GUCY2C: variants seen among roughly 807,000 people sequenced by gnomAD.
The protein encoded by GUCY2C is guanylate cyclase 2C, also known as guanylyl cyclase C.
GUCY2C carries 118 observed loss-of-function variants against 131.1 expected under a neutral mutation model. That is an observed-to-expected ratio of 0.90 (90% CI 0.78 to 1.05). The LOEUF is 1.05. GUCY2C is among the 50% of genes least tolerant of loss of function. The pLI, the probability that GUCY2C is intolerant of heterozygous loss-of-function variation, is 0.00. For missense variants in GUCY2C, 1,161 were observed against 1,304.4 expected, an observed-to-expected ratio of 0.89 and a Z score of 1.69; for synonymous variants, 452 against 457.8, an observed-to-expected ratio of 0.99 and a Z score of 0.16.
At chr12:14,687,496 C>T (rs1204063679) in intron 2 of GUCY2C, among the ~76,000 whole-genome samples, 1 of 151,992 alleles carries the variant, frequency 6.6e-6, no homozygotes, top group East Asian at 1.9e-4. Context: ...TAGCACATGC[C>T]TGTAGTCCCA....
Position 14,676,820 on chromosome 12 carries a change from A to G in GUCY2C, c.948+34T>C, listed in dbSNP as rs1198203248. On this transcript the variant is annotated intron_variant, in intron 7 of 26. Coordinates refer to ENST00000261170, the MANE Select transcript of GUCY2C (RefSeq NM_004963.4). ...CCCTTGACAAATAAAATAATAATAT[A>G]TAATTTATACTATAACATAAAATAA... 6.2e-6 allele frequency: 4 copies of G among 650,406 alleles called. No individual in the cohort carries two copies. In the East Asian group the frequency reaches 1.4e-4, roughly 23 times the overall value. The allele number at this position is 650,406 out of a possible 1,614,324, so 40.3% of individuals were successfully genotyped here.
At chr12:14,670,720 C>T (rs1002005560) in intron 9 of GUCY2C, among the ~76,000 whole-genome samples, 6 of 151,874 alleles carry the variant, frequency 4.0e-5, no homozygotes, top group Non-Finnish European at 7.4e-5. Context: ...CTCATTCTCT[C>T]TTGCCTGCTA....
chr12:14,639,723 G>T, intron 19 of GUCY2C, 139 bp downstream of exon 19: 1 of 622,982 alleles, frequency 1.6e-6, no homozygotes, highest in South Asian at 1.9e-5. Context: ...TCTGGAGGAA[G>T]TGTGGCCTTG....
Position 14,613,604 on chromosome 12 carries a change from C to T in GUCY2C, c.3048-313G>A, listed in dbSNP as rs1420253371. On this transcript the variant is annotated intron_variant, in intron 26 of 26. Transcript: ENST00000261170. The surrounding 1 kb of genome is among the most constrained non-coding windows in gnomAD (Gnocchi z 4.9). ...GAAAAGAAGCTGGGAGGATGCTAGG[C>T]CCCTGCCACACAACCCTGAAAACTC... 6.6e-6 allele frequency among the ~76,000 whole-genome samples: 1 copy of T among 152,098 alleles called. No individual in the cohort carries two copies. Among genetic ancestry groups the T allele is most frequent in the African/African-American group, 2.4e-5 (1 of 41,426 alleles).
chr12:14,620,682 A>C (rs924687544), intron 23 of GUCY2C, among the ~76,000 whole-genome samples: 2 of 152,126 alleles, frequency 1.3e-5, no homozygotes, highest in African/African-American at 4.8e-5. Context: ...AGATACTATA[A>C]TATTTTAGTG....
chr12:14,617,229 T>C (rs1946784907), intron 24 of GUCY2C, among the ~76,000 whole-genome samples: 1 of 152,192 alleles, frequency 6.6e-6, no homozygotes, highest in African/African-American at 2.4e-5. Context: ...ATGAGCCAAT[T>C]AAACCTCTTT....
chr12:14,613,708 A>G lies in GUCY2C; in HGVS notation c.3048-417T>C, dbSNP rs1050401428. Among the ~76,000 whole-genome samples, 14 of 152,108 alleles carry G rather than the reference A, an allele frequency of 9.2e-5. No individual in the cohort carries two copies. The highest frequency in any genetic ancestry group is 2.1e-4 in the Non-Finnish European group (14 of 68,004). On this transcript the variant is annotated intron_variant, in intron 26 of 26. Coordinates refer to ENST00000261170, the MANE Select transcript of GUCY2C (RefSeq NM_004963.4). This position sits in a 1 kb window ranked among gnomAD's most constrained non-coding sequence, Gnocchi z 4.9. ...TGGTGGAGGGGACCACGAGTTTAGAATGGACCTGGAACACTCCAAGTAAGG... is the reference window on the plus strand; with the variant it reads ...TGGTGGAGGGGACCACGAGTTTAGAGTGGACCTGGAACACTCCAAGTAAGG...
chr12:14,675,249 AG>A (rs68169716), intron 7 of GUCY2C, among the ~76,000 whole-genome samples: 14,681 of 142,844 alleles, frequency 0.1, 1,008 homozygotes, highest in Admixed American at 0.19. Flanking sequence ...AAAGAAAGAA[AG>A]AAAAAAAACT....
chr12:14,657,609 A>G lies in GUCY2C; in HGVS notation c.1365-992T>C, dbSNP rs192598894. Among the ~76,000 whole-genome samples the G allele has an allele frequency of 3.9e-5, 6 of 152,222 alleles. No individual in the cohort carries two copies. The East Asian group carries it at 1.2e-3, about 30-fold the overall frequency. On this transcript the variant is annotated intron_variant, in intron 11 of 26. Coordinates refer to ENST00000261170, the MANE Select transcript of GUCY2C (RefSeq NM_004963.4). ...CCACCTGAGCTCCACCTCCTGTCAC[A>G]TCAGTGGTGGCGTTAGATTCTCACA...
chr12:14,623,936 A>AT (rs1470030199), intron 21 of GUCY2C, among the ~76,000 whole-genome samples: 1 of 152,166 alleles, frequency 6.6e-6, no homozygotes, highest in African/African-American at 2.4e-5. Flanking sequence ...TCCTTTCCTC[A>AT]TAAATTACCT....
In GUCY2C at chr12:14,628,689, G is replaced by A. The variant is rs1350457969; in HGVS notation, c.2206C>T (p.Pro736Ser). ...GTAGTCTCAATTTTTTTGAAATCTG[G>A]TCTCTTTTCTGGATCTTCCTCCCAA... Reference protein sequence around the residue: ...NCWEEDPEKRPDFKKIETTLA... With the variant: ...NCWEEDPEKRSDFKKIETTLA... The change falls in exon 20 of 27, where the codon CCA (proline) becomes TCA (serine). Residue 736 changes from proline (P) to serine (S), a missense_variant. By Grantham distance (74) the Pro-to-Ser change is moderately conservative. Coordinates refer to ENST00000261170, the MANE Select transcript of GUCY2C (RefSeq NM_004963.4). 1.4e-5 allele frequency: 23 copies of A among 1,602,142 alleles called. No homozygotes were observed. Among genetic ancestry groups the A allele is most frequent in the East Asian group, 2.2e-5 (1 of 44,792 alleles).
At chr12:14,665,809 A>G (rs1418348372) in intron 10 of GUCY2C, 1 of 152,242 alleles carries the variant, frequency 6.6e-6, no homozygotes, top group Non-Finnish European at 1.5e-5. Context: ...CTGTGTACAC[A>G]CAGATGCAAG....
intron 5 of GUCY2C, among the ~76,000 whole-genome samples, chr12:14,680,733 T>C (rs1048382380): frequency 6.6e-6 from 1 of 152,168 alleles, no homozygotes; most frequent in African/African-American, 2.4e-5. Flanking sequence ...ATAAGTTCTT[T>C]AGTGGTGATT....
At chr12:14,678,469 G>A (rs1380313456) in intron 6 of GUCY2C, among the ~76,000 whole-genome samples, 2 of 152,194 alleles carry the variant, frequency 1.3e-5, no homozygotes, top group Non-Finnish European at 1.5e-5. Flanking sequence ...CCTTCCAGGG[G>A]TAAAGCAGCT....
chr12:14,678,888 C>T (rs916202742), intron 6 of GUCY2C, among the ~76,000 whole-genome samples: 22 of 151,952 alleles, frequency 1.4e-4, no homozygotes, highest in African/African-American at 5.1e-4. Context: ...AGATAATTAG[C>T]GATTAAAAAA....
At chr12:14,662,692 AAAG>A (rs1947895022) in intron 10 of GUCY2C, among the ~76,000 whole-genome samples, 1 of 151,878 alleles carries the variant, frequency 6.6e-6, no homozygotes, top group African/African-American at 2.4e-5. Context: ...AAAAAAAAAA[AAAG>A]AAAGATGTTA....
Position 14,630,201 on chromosome 12 carries a change from A to G in GUCY2C, c.2158-1464T>C, listed in dbSNP as rs531179377. 5.9e-5 allele frequency among the ~76,000 whole-genome samples: 9 copies of G among 151,858 alleles called. 1 individual carries two copies. The South Asian group carries it at 1.2e-3, about 21-fold the overall frequency. Reference sequence around the variant, plus strand: ...AAGATCATAAGTGATACTAGATGCAATCCCTGTCCCTGTACTTTGTCTGAA... The same window carrying G: ...AAGATCATAAGTGATACTAGATGCAGTCCCTGTCCCTGTACTTTGTCTGAA... On this transcript the variant is annotated intron_variant, in intron 19 of 26. Transcript: ENST00000261170.
chr12:14,629,788 C>T (rs1364866948), intron 19 of GUCY2C, among the ~76,000 whole-genome samples: 1 of 152,110 alleles, frequency 6.6e-6, no homozygotes, highest in Non-Finnish European at 1.5e-5. Context: ...TTTCTTATGC[C>T]CAGGCACCAC....
chr12:14,656,700 C>T, intron 11 of GUCY2C, 83 bp from the exon 12 acceptor site: 1 of 699,552 alleles, frequency 1.4e-6, no homozygotes, highest in Admixed American at 2.0e-5. Context: ...AAGTTTAGAA[C>T]CCTGGTATGC....
Sources: gnomAD v4.1 joint callset for allele counts (sites outside exome capture counted in the v4.1 genomes callset) on GRCh38, gnomAD v4.1.1 for gene constraint, Gnocchi (gnomAD v3.1) non-coding constraint, MANE v1.5 for transcripts, NCBI Gene and HGNC (gene_info 2026-07-23, HGNC 2026-07-21) for gene names.